The following POLK variants were observed in gnomAD, a reference collection of about 807,000 sequenced individuals.
POLK encodes polymerase (DNA directed) kappa.
A neutral mutation model predicts 94.0 loss-of-function variants in POLK; 76 were observed. The observed-to-expected ratio is 0.81, with a 90% CI of 0.67 to 0.98. The LOEUF is 0.98. Ranked by LOEUF, POLK falls within the 50% of genes least tolerant of loss-of-function variation. The pLI is 0.00. For missense variants in POLK, 954 were observed against 1,010.1 expected (o/e 0.94, Z 0.75); for synonymous variants, 349 against 325.4 (o/e 1.07, Z -0.78).
chr5:75,511,943 C>G (rs1768041469), intron 1 of POLK, 29 bp downstream of exon 1: 2 of 899,778 alleles, frequency 2.2e-6, no homozygotes, highest in South Asian at 1.8e-5. Flanking sequence ...GATCGCTTGT[C>G]CCCTTGGGGC....
At chr5:75,583,513 T>G in intron 8 of POLK, 96 bp downstream of exon 8, 1 of 672,632 alleles carries the variant, frequency 1.5e-6, no homozygotes, top group East Asian at 3.1e-5. Context: ...CTTAAAAGTT[T>G]TAAAATAATA....
At chr5:75,601,568 A>T (rs138791478), downstream of POLK, among the ~76,000 whole-genome samples, 1 of 152,302 alleles carries the variant, frequency 6.6e-6, no homozygotes, top group African/African-American at 2.4e-5. Context: ...GGATAAAAGC[A>T]GGCAGAGGAA....
chr5:75,527,539 AC>A (rs1315016163), intron 1 of POLK, among the ~76,000 whole-genome samples: 108 of 149,338 alleles, frequency 7.2e-4, no homozygotes, highest in African/African-American at 2.6e-3. Flanking sequence ...ACACACACAC[AC>A]AAGTACGTGT....
chr5:75,531,756 C>T (rs972048030), intron 1 of POLK, among the ~76,000 whole-genome samples: 2 of 151,898 alleles, frequency 1.3e-5, no homozygotes, highest in South Asian at 2.1e-4. Flanking sequence ...TGTGTCACTA[C>T]ACTCCAGCCT....
chr5:75,516,018 A>C (rs1472893126), intron 1 of POLK, among the ~76,000 whole-genome samples: 1 of 152,110 alleles, frequency 6.6e-6, no homozygotes, highest in Non-Finnish European at 1.5e-5. Flanking sequence ...CCTGTTGGCC[A>C]TTAGTATGCC....
chr5:75,518,298 G>A (rs531471117), intron 1 of POLK, among the ~76,000 whole-genome samples: 2 of 152,190 alleles, frequency 1.3e-5, no homozygotes, highest in East Asian at 3.9e-4. Flanking sequence ...ACTTTTTATT[G>A]CAGCTTCCAT....
At chr5:75,600,070 G>A (rs927055621) in exon 15 of POLK, 27 of 151,942 alleles carry the variant, frequency 1.8e-4, no homozygotes, top group South Asian at 4.2e-4. Flanking sequence ...AAGAACCACC[G>A]TATTTGCAAT....
chr5:75,531,323 T>C (rs1175239904), intron 1 of POLK, among the ~76,000 whole-genome samples: 2 of 144,620 alleles, frequency 1.4e-5, no homozygotes, highest in Admixed American at 1.4e-4. Flanking sequence ...ATATTTAGTA[T>C]ATAGTATATA....
chr5:75,597,930 C>G lies in POLK; in HGVS notation c.2529-4C>G, dbSNP rs374687471. 2 of 1,439,664 alleles carry G rather than the reference C, an allele frequency of 1.4e-6. No individual in the cohort carries two copies. Among genetic ancestry groups the G allele is most frequent in the African/African-American group, 1.5e-5 (1 of 68,408 alleles). 89.2% of individuals were successfully genotyped at this position (1,439,664 alleles called of 1,614,324 possible). ...TTTTAATTGTGTGTTCCTTTTCATTCTAGGCCAGGATTGATGACAAAGTAC... is the reference window on the plus strand; with the variant it reads ...TTTTAATTGTGTGTTCCTTTTCATTGTAGGCCAGGATTGATGACAAAGTAC... On this transcript the variant is annotated splice_region_variant and splice_polypyrimidine_tract_variant and intron_variant, in intron 14 of 14. Transcript: ENST00000241436.
intron 3 of POLK, among the ~76,000 whole-genome samples, chr5:75,566,552 A>G (rs924732592): frequency 2.6e-5 from 4 of 152,156 alleles, no homozygotes; most frequent in African/African-American, 9.7e-5. Flanking sequence ...GAAAAGCGTA[A>G]TATCTAGGCT....
At chr5:75,530,612 G>A (rs2112569902) in intron 1 of POLK, among the ~76,000 whole-genome samples, 1 of 151,376 alleles carries the variant, frequency 6.6e-6, no homozygotes, top group South Asian at 2.1e-4. Context: ...TATCATGCAT[G>A]TAAAATACTA....
chr5:75,565,531 A>C (rs1289699344), intron 3 of POLK, among the ~76,000 whole-genome samples: 1 of 151,836 alleles, frequency 6.6e-6, no homozygotes, highest in East Asian at 1.9e-4. Flanking sequence ...ATCTACCTTT[A>C]GTGTTTGATT....
At chr5:75,576,276 G>A (rs937326913) in intron 5 of POLK, among the ~76,000 whole-genome samples, 1 of 152,012 alleles carries the variant, frequency 6.6e-6, no homozygotes, top group East Asian at 1.9e-4. Context: ...TTAATGTTAA[G>A]TGGACTTTTA....
intron 1 of POLK, among the ~76,000 whole-genome samples, chr5:75,529,303 A>G (rs564445179): frequency 2.4e-4 from 36 of 152,220 alleles, no homozygotes; most frequent in African/African-American, 8.2e-4. Context: ...TTTAACAACC[A>G]GATCTCTTGT....
chr5:75,530,362 G>C (rs1580935988), intron 1 of POLK, among the ~76,000 whole-genome samples: 1 of 119,730 alleles, frequency 8.4e-6, no homozygotes, highest in African/African-American at 3.3e-5. Context: ...CAATTCTCCT[G>C]CCTCAGCCTC....
intron 11 of POLK, among the ~76,000 whole-genome samples, chr5:75,592,703 A>AC (rs58219777): frequency 0.016 from 2,220 of 134,812 alleles, 57 homozygotes; most frequent in African/African-American, 0.077. Context: ...TAAAACAACA[A>AC]AAAAAAAAAC....
intron 1 of POLK, among the ~76,000 whole-genome samples, chr5:75,535,341 G>C (rs1429562643): frequency 6.6e-6 from 1 of 152,186 alleles, no homozygotes; most frequent in African/African-American, 2.4e-5. Flanking sequence ...GCCTAATGGG[G>C]CTCCCTTTGT....
intron 11 of POLK, among the ~76,000 whole-genome samples, chr5:75,591,286 A>C (rs955809160): frequency 6.6e-6 from 1 of 152,192 alleles, no homozygotes; most frequent in African/African-American, 2.4e-5. Flanking sequence ...TGTTCATATA[A>C]TGCATCAGTA....
At chr5:75,583,535 G>A in intron 8 of POLK, 118 bp downstream of exon 8, 1 of 503,236 alleles carries the variant, frequency 2.0e-6, no homozygotes, top group Non-Finnish European at 3.4e-6. Flanking sequence ...ATAAAAGCAA[G>A]AACTATAATG....
Sources: allele counts gnomAD v4.1 joint callset (sites outside exome capture counted in the v4.1 genomes callset), GRCh38; gene constraint gnomAD v4.1.1; transcripts MANE v1.5; gene names NCBI Gene and HGNC (gene_info 2026-07-23, HGNC 2026-07-21).